The following NTM variants were observed in gnomAD, a reference collection of about 807,000 sequenced individuals.
The protein encoded by NTM is IgLON family member 2.
A neutral mutation model predicts 42.1 loss-of-function variants in NTM; 13 were observed. The ratio of observed to expected loss-of-function variants is 0.31; its 90% CI spans 0.20 to 0.49. The LOEUF (loss-of-function observed/expected upper bound fraction) is 0.49. Among genes scored for constraint, NTM ranks in the 20% least tolerant of loss-of-function variants. The probability of loss-of-function intolerance (pLI) is 0.99; values close to 1 mark genes in which losing one functional copy is unlikely to be tolerated. For missense variants in NTM, 373 were observed against 452.8 expected, an observed-to-expected ratio of 0.82 and a Z score of 1.60; for synonymous variants, 187 against 179.2, an observed-to-expected ratio of 1.04 and a Z score of -0.35.
intron 2 of NTM, among the ~76,000 whole-genome samples, chr11:131,944,383 A>T (rs1223013251): frequency 2.0e-5 from 3 of 152,200 alleles, no homozygotes. Flanking sequence ...CCAGTTTTGC[A>T]GGAGGGGGCT....
At chr11:131,613,626 G>C (rs187349619) in intron 1 of NTM, among the ~76,000 whole-genome samples, 1 of 152,220 alleles carries the variant, frequency 6.6e-6, no homozygotes, top group Non-Finnish European at 1.5e-5. Context: ...AGCTTCTGCT[G>C]GTGTGCCTTG....
In NTM at chr11:131,839,203, C is replaced by G. The variant is rs111470066; in HGVS notation, c.83-72361C>G. Among the ~76,000 whole-genome samples the G allele has an allele frequency of 6.9e-3, 1,051 of 152,114 alleles. 10 individuals carry two copies. Among genetic ancestry groups the G allele is most frequent in the African/African-American group, 0.024 (987 of 41,426 alleles). On this transcript the variant is annotated intron_variant, in intron 1 of 8. Coordinates refer to ENST00000683400, the MANE Select transcript of NTM (RefSeq NM_001352005.2). The stretch of plus-strand genomic sequence containing the variant: ...TCTCGAACTCCTGACCTCAGGTGAT[C>G]CGCCCGCCTCGGCCTCCCAAAGTGC...
chr11:131,598,773 T>C (rs2060114770), intron 1 of NTM, among the ~76,000 whole-genome samples: 3 of 86,460 alleles, frequency 3.5e-5, no homozygotes, highest in African/African-American at 9.8e-5. Context: ...TTTTTTTCTT[T>C]CTTTCTTTCT....
intron 1 of NTM, among the ~76,000 whole-genome samples, chr11:131,525,859 G>A (rs378484): frequency 0.21 from 32,436 of 151,950 alleles, 3,695 homozygotes; most frequent in African/African-American, 0.3. Context: ...GTGTGTGTGT[G>A]TGCATGTATA....
intron 1 of NTM, among the ~76,000 whole-genome samples, chr11:131,844,195 A>G (rs2044642488): frequency 1.3e-5 from 2 of 152,084 alleles, no homozygotes; most frequent in Non-Finnish European, 2.9e-5. Context: ...TCTATCTGCA[A>G]TTGATGTTTG....
intron 2 of NTM, among the ~76,000 whole-genome samples, chr11:132,060,180 C>T (rs527718438): frequency 6.6e-6 from 1 of 152,316 alleles, no homozygotes; most frequent in South Asian, 2.1e-4. Context: ...TGGCATTATA[C>T]GTCTTCCCAA....
chr11:132,216,155 G>C (rs1479055281), intron 4 of NTM, among the ~76,000 whole-genome samples: 2 of 152,182 alleles, frequency 1.3e-5, no homozygotes, highest in Non-Finnish European at 2.9e-5. Flanking sequence ...CATGCTGTCT[G>C]GTTCTCCTGA....
At chr11:132,249,495 TG>T (rs2091675008) in intron 4 of NTM, among the ~76,000 whole-genome samples, 1 of 152,178 alleles carries the variant, frequency 6.6e-6, no homozygotes, top group South Asian at 2.1e-4. Flanking sequence ...TGTTTCCTTG[TG>T]TGATGCCCAG....
chr11:131,773,784 T>C (rs952793382), intron 1 of NTM, among the ~76,000 whole-genome samples: 1 of 152,144 alleles, frequency 6.6e-6, no homozygotes, highest in African/African-American at 2.4e-5. Context: ...TATCCAGGAG[T>C]GGTTAGTAAC....
intron 3 of NTM, among the ~76,000 whole-genome samples, chr11:132,155,899 T>C (rs754370276): frequency 6.9e-4 from 104 of 151,708 alleles, no homozygotes; most frequent in Non-Finnish European, 1.3e-3. Flanking sequence ...GCAGGTAGGG[T>C]GTGTAAGGGC....
At chr11:131,793,645 G>A (rs1450606366) in intron 1 of NTM, among the ~76,000 whole-genome samples, 1 of 152,154 alleles carries the variant, frequency 6.6e-6, no homozygotes, top group East Asian at 1.9e-4. Context: ...GGTTTACAAG[G>A]TGGAAGCCTC....
chr11:131,408,395 G>T (rs1434563631), intron 1 of NTM, among the ~76,000 whole-genome samples: 2 of 152,224 alleles, frequency 1.3e-5, no homozygotes. Flanking sequence ...ATTCTGTGGA[G>T]AGGAGAGGCA....
rs115662742 is a variant in NTM at position 131,670,214 on chromosome 11, C to T, written c.83-241350C>T. ...CCAAAAGCTCTTCTCCTGCCACGTC[C>T]AGTACCCACTCCACCCTCATCCCCT... On this transcript the variant is annotated intron_variant, in intron 1 of 8. Transcript: ENST00000683400. Among the ~76,000 whole-genome samples, 1,036 of 152,268 alleles carry T rather than the reference C, an allele frequency of 6.8e-3. 11 individuals are homozygous for T. The highest frequency in any genetic ancestry group is 0.022 in the African/African-American group (930 of 41,550).
At chr11:132,309,174 G>A (rs2095199616) in intron 5 of NTM, among the ~76,000 whole-genome samples, 1 of 152,190 alleles carries the variant, frequency 6.6e-6, no homozygotes, top group Non-Finnish European at 1.5e-5. Flanking sequence ...GCATTAAATA[G>A]AATAGCCAGT....
At chr11:132,193,546 T>C (rs530662279) in intron 3 of NTM, among the ~76,000 whole-genome samples, 2 of 151,948 alleles carry the variant, frequency 1.3e-5, no homozygotes, top group South Asian at 2.1e-4. Flanking sequence ...TGCTAAAAAC[T>C]TACATCAAGA....
chr11:131,963,835 G>A (rs1385665179), intron 2 of NTM, among the ~76,000 whole-genome samples: 2 of 152,204 alleles, frequency 1.3e-5, no homozygotes, highest in African/African-American at 4.8e-5. Flanking sequence ...TCATCAGAAT[G>A]ACACTTTGAG....
At chr11:131,892,377 C>T (rs1337243180) in intron 1 of NTM, among the ~76,000 whole-genome samples, 2 of 152,240 alleles carry the variant, frequency 1.3e-5, no homozygotes, top group African/African-American at 2.4e-5. Context: ...AAAAGTTTAT[C>T]AACCATTTCA....
chr11:132,039,666 TG>T (rs1001054099), intron 2 of NTM, among the ~76,000 whole-genome samples: 4 of 152,022 alleles, frequency 2.6e-5, no homozygotes, highest in Non-Finnish European at 1.5e-5. Context: ...GGGAACTTAA[TG>T]GGCAGAGAGG....
At chr11:131,695,225 G>T (rs535738570) in intron 1 of NTM, among the ~76,000 whole-genome samples, 1 of 127,202 alleles carries the variant, frequency 7.9e-6, no homozygotes, top group Non-Finnish European at 1.5e-5. Context: ...AGAATTCAGA[G>T]TGTGGCCTTA....
Sources: gnomAD v4.1 joint callset for allele counts (sites outside exome capture counted in the v4.1 genomes callset) on GRCh38, gnomAD v4.1.1 for gene constraint, MANE v1.5 for transcripts, NCBI Gene and HGNC (gene_info 2026-07-23, HGNC 2026-07-21) for gene names.